Variants in SUN2 observed in about 807,000 individuals in gnomAD.
The protein encoded by SUN2 is Sad1 and UNC84 domain containing 2.
In SUN2, 60 loss-of-function variants were observed where a neutral mutation model predicts 100.0. The ratio of observed to expected loss-of-function variants is 0.60; its 90% CI spans 0.49 to 0.74. The LOEUF is 0.74. SUN2 is among the 30% of genes least tolerant of loss of function. The pLI, the probability that SUN2 is intolerant of heterozygous loss-of-function variation, is 0.00. For missense variants in SUN2, 834 were observed against 954.6 expected (o/e 0.87, Z 1.66); for synonymous variants, 367 against 403.3 (o/e 0.91, Z 1.08).
At position 38,742,472 on chromosome 22, in the gene SUN2, C is replaced by T. The variant is rs1367798964; in HGVS notation, c.897G>A (p.Gln299=). ...ALAAEFSSNW[Q]KEAMRLERLE... ...GACGTTCCAGCCGCATGGCCTCCTT[C>T]TGCCAGTTGGAGGAAAATTCAGCAG... The change falls in exon 9 of 18, where the codon CAG becomes CAA. Residue 299 remains glutamine (Q), a synonymous_variant. Transcript: ENST00000689035. 1.2e-6 allele frequency: 2 copies of T among 1,613,684 alleles called. No individual in the cohort carries two copies. The highest frequency in any genetic ancestry group is 1.6e-4 in the Middle Eastern group (1 of 6,062).
chr22:38,737,959 C>A lies in SUN2; in HGVS notation c.2040+214G>T, dbSNP rs886252595. On this transcript the variant is annotated intron_variant, in intron 17 of 17. Transcript: ENST00000689035. This position sits in a 1 kb window ranked among gnomAD's most constrained non-coding sequence, Gnocchi z 4.1. Reference sequence around the variant, plus strand: ...CTGGTGTCCTTTTCCAGGAAGCTTCCCTCATGCTGCCCTTCTGGAAGGTGC... The same window carrying A: ...CTGGTGTCCTTTTCCAGGAAGCTTCACTCATGCTGCCCTTCTGGAAGGTGC... The A allele has an allele frequency of 5.7e-6, 4 of 700,688 alleles. No homozygotes were observed. The highest frequency in any genetic ancestry group is 8.0e-6 in the Non-Finnish European group (3 of 374,926). 43.4% of individuals were successfully genotyped at this position (700,688 alleles called of 1,614,324 possible).
At chr22:38,754,534 G>A (rs2092970742) in intron 1 of SUN2, 9 of 994,008 alleles carry the variant, frequency 9.1e-6, no homozygotes, top group South Asian at 2.7e-5. Context: ...AAAAGGGACC[G>A]ATTGGTAGTA....
chr22:38,738,620 A>G lies in SUN2; in HGVS notation c.1914T>C (p.Thr638=), dbSNP rs1252540988. Residue 638 remains threonine, a synonymous_variant, in exon 16 of 18, where the codon ACT becomes ACC. Transcript: ENST00000689035. The surrounding 1 kb of genome is among the most constrained non-coding windows in gnomAD (Gnocchi z 6.6). The part of the protein sequence containing the change: ...HVPKALSPNS[T]ISSAPKDFAI... ...CGAAGTCCTTGGGGGCACTGGAGAT[A>G]GTGCTGTTGGGTGACAAGGCCTTGG... 1.2e-6 allele frequency: 2 copies of G among 1,613,824 alleles called. No homozygotes were observed. The highest frequency in any genetic ancestry group is 1.7e-6 in the Non-Finnish European group (2 of 1,179,968).
In SUN2 at chr22:38,738,479, C is replaced by A. The variant is rs1603214574; in HGVS notation, c.1947+108G>T. On this transcript the variant is annotated intron_variant, in intron 16 of 17. Transcript: ENST00000689035. This position sits in a 1 kb window ranked among gnomAD's most constrained non-coding sequence, Gnocchi z 6.6. ...ACCCTAGCTCCTCCTCTTCCAAATC[C>A]ACTCCCCTCCCTTCCAGTCCAAGGG... is the stretch of plus-strand genomic sequence containing the variant. 18 of 1,449,612 alleles carry A rather than the reference C, an allele frequency of 1.2e-5. No homozygotes were observed. The South Asian group carries it at 2.1e-4, about 17-fold the overall frequency. 89.8% of individuals were successfully genotyped at this position (1,449,612 alleles called of 1,614,324 possible).
rs1445487095 is a variant in SUN2, at chr22:38,736,390, G to A, written c.2041-10C>T. The A allele has an allele frequency of 1.9e-6, 3 of 1,606,608 alleles. No individual in the cohort carries two copies. The highest frequency in any genetic ancestry group is 4.5e-5 in the East Asian group (2 of 44,760). On this transcript the variant is annotated splice_polypyrimidine_tract_variant and intron_variant, in intron 17 of 17. Coordinates refer to ENST00000689035, the MANE Select transcript of SUN2 (RefSeq NM_015374.3). ...TGGCCATCGTAGGGGCCTGGGTAGA[G>A]AAGAAAGGGATTAAGAGCATCAGAG...
chr22:38,743,184 G>C (rs2092874625), intron 8 of SUN2: 1 of 152,240 alleles, frequency 6.6e-6, no homozygotes, highest in African/African-American at 2.4e-5. Flanking sequence ...ATTGCCAAGA[G>C]AAGTGATAAA....
At position 38,738,362 on chromosome 22, in the gene SUN2, C is replaced by T; in HGVS notation, c.1948-97G>A. 8.4e-7 allele frequency: 1 copy of T among 1,190,858 alleles called. No homozygotes were observed. The highest frequency in any genetic ancestry group is 1.2e-6 in the Non-Finnish European group (1 of 828,340). 73.8% of individuals were successfully genotyped at this position (1,190,858 alleles called of 1,614,324 possible). ...CTCCTCCCACCCAGCAGGTCAGGCA[C>T]CAGAGTGGCCTATGACAAGTCACTT... On this transcript the variant is annotated intron_variant, in intron 16 of 17. Transcript: ENST00000689035. This position sits in a 1 kb window ranked among gnomAD's most constrained non-coding sequence, Gnocchi z 6.6.
chr22:38,754,424 T>C (rs1307581865), intron 1 of SUN2, among the ~76,000 whole-genome samples: 1 of 152,140 alleles, frequency 6.6e-6, no homozygotes, highest in Non-Finnish European at 1.5e-5. Context: ...AGCTAGAAAG[T>C]CCTCCTCTGA....
intron 7 of SUN2, among the ~76,000 whole-genome samples, chr22:38,746,745 G>A (rs907628926): frequency 2.6e-5 from 4 of 152,226 alleles, no homozygotes; most frequent in Non-Finnish European, 4.4e-5. Context: ...AAGAATCACT[G>A]ACTGGGCCGG....
intron 4 of SUN2, among the ~76,000 whole-genome samples, chr22:38,750,566 G>T (rs2092937436): frequency 6.6e-6 from 1 of 152,222 alleles, no homozygotes; most frequent in East Asian, 1.9e-4. Context: ...TAGGTGCTGG[G>T]GTCTGACATG....
chr22:38,737,876 C>T lies in SUN2; in HGVS notation c.2040+297G>A, dbSNP rs149641526. On this transcript the variant is annotated intron_variant, in intron 17 of 17. Coordinates refer to ENST00000689035, the MANE Select transcript of SUN2 (RefSeq NM_015374.3). The surrounding 1 kb of genome is among the most constrained non-coding windows in gnomAD (Gnocchi z 4.1). ...CATGTGCTGGCGGCGGCTCCTCGAA[C>T]GCCTCTCCCGGCCTTCCTTTCCTGG... 240 of 606,528 alleles carry T rather than the reference C, an allele frequency of 4.0e-4. 1 individual carries two copies. The East Asian group carries it at 6.9e-3, about 17-fold the overall frequency. The allele number at this position is 606,528 out of a possible 1,614,324, so 37.6% of individuals were successfully genotyped here. A position where few individuals can be genotyped will look rare whatever the true frequency, so the allele number is the denominator to read the frequency against.
At position 38,742,557 on chromosome 22, in the gene SUN2, T is replaced by C; in HGVS notation, c.814-2A>G. On this transcript the variant is annotated splice_acceptor_variant, in intron 8 of 17. Coordinates refer to ENST00000689035, the MANE Select transcript of SUN2 (RefSeq NM_015374.3). LOFTEE classifies it high-confidence loss of function. Reference sequence around the variant, plus strand: ...CCGGGACATAACACGCTGCTCAGCCTGGAAGGGCAGAGAGAGAGCCACGGA... The same window carrying C: ...CCGGGACATAACACGCTGCTCAGCCCGGAAGGGCAGAGAGAGAGCCACGGA... 6.2e-7 allele frequency: 1 copy of C among 1,607,274 alleles called. No individual in the cohort carries two copies.
In SUN2 at chr22:38,740,172, T is replaced by G; in HGVS notation, c.1356+95A>C. The G allele has an allele frequency of 7.1e-7, 1 of 1,415,494 alleles. No individual in the cohort carries two copies. Among genetic ancestry groups the G allele is most frequent in the Non-Finnish European group, 9.3e-7 (1 of 1,074,224 alleles). The allele number at this position is 1,415,494 out of a possible 1,614,324, so 87.7% of individuals were successfully genotyped here. On this transcript the variant is annotated intron_variant, in intron 12 of 17. Transcript: ENST00000689035. This position sits in a 1 kb window ranked among gnomAD's most constrained non-coding sequence, Gnocchi z 4.8. ...ACAGTCTCTTGGGCATAACAGAGGC[T>G]GCAGGGGCAAGGGGTGCTGCTTTGC... is the stretch of plus-strand genomic sequence containing the variant.
In SUN2 at chr22:38,755,483, A is replaced by T; in HGVS notation, c.-38+280T>A. 1.0e-6 allele frequency: 1 copy of T among 987,920 alleles called. No homozygotes were observed. Among genetic ancestry groups the T allele is most frequent in the Non-Finnish European group, 1.2e-6 (1 of 831,236 alleles). The allele number at this position is 987,920 out of a possible 1,614,324, so 61.2% of individuals were successfully genotyped here. On this transcript the variant is annotated intron_variant, in intron 1 of 17. Coordinates refer to ENST00000689035, the MANE Select transcript of SUN2 (RefSeq NM_015374.3). This position sits in a 1 kb window ranked among gnomAD's most constrained non-coding sequence, Gnocchi z 5.7. Reference sequence around the variant, plus strand: ...GCGCTGCCCGGGGCCGGGTTGGGGCAGTCGGCCTTTGCCCTCCTCCTCCCG... The same window carrying T: ...GCGCTGCCCGGGGCCGGGTTGGGGCTGTCGGCCTTTGCCCTCCTCCTCCCG...
chr22:38,745,928 T>G, intron 7 of SUN2, 117 bp from the exon 8 acceptor site: 1 of 1,455,462 alleles, frequency 6.9e-7, no homozygotes. Context: ...CGTGGAGCTG[T>G]GCCCTTCCAG....
In SUN2 at chr22:38,735,611, G is replaced by A. The variant is rs1429006405; in HGVS notation, c.*656C>T. The A allele has an allele frequency of 5.4e-6, 1 of 185,470 alleles. No homozygotes were observed. Among genetic ancestry groups the A allele is most frequent in the Admixed American group, 5.5e-5 (1 of 18,070 alleles). 11.5% of individuals were successfully genotyped at this position (185,470 alleles called of 1,614,324 possible). ...AGGGTTGGCCCTGGGCCCCTTAGAA[G>A]ATCACAGCAGCCAGTCCCCTTTAGG... On this transcript the variant is annotated 3_prime_UTR_variant, in exon 18 of 18. Coordinates refer to ENST00000689035, the MANE Select transcript of SUN2 (RefSeq NM_015374.3).
At chr22:38,744,913 C>G (rs1179114175) in intron 8 of SUN2, among the ~76,000 whole-genome samples, 1 of 152,256 alleles carries the variant, frequency 6.6e-6, no homozygotes, top group Non-Finnish European at 1.5e-5. Flanking sequence ...TCTTTAGACT[C>G]TGGCAGATTA....
At position 38,739,013 on chromosome 22, in the gene SUN2, T is replaced by G. The variant is rs768719781; in HGVS notation, c.1664-25A>C. 6.3e-7 allele frequency: 1 copy of G among 1,591,296 alleles called. No individual in the cohort carries two copies. Among genetic ancestry groups the G allele is most frequent in the South Asian group, 1.1e-5 (1 of 88,196 alleles). On this transcript the variant is annotated intron_variant, in intron 14 of 17. Coordinates refer to ENST00000689035, the MANE Select transcript of SUN2 (RefSeq NM_015374.3). This position sits in a 1 kb window ranked among gnomAD's most constrained non-coding sequence, Gnocchi z 6.7. ...CCTGAGACAGGAGAGGAAGGCAGGG[T>G]GGGCTCCCGCACGGGAGGAGGGCCC...
rs776125269 is a variant in SUN2, at chr22:38,739,470, G to T, written c.1579-44C>A. 1.2e-6 allele frequency: 2 copies of T among 1,600,368 alleles called. No homozygotes were observed. Among genetic ancestry groups the T allele is most frequent in the East Asian group, 4.5e-5 (2 of 44,764 alleles). On this transcript the variant is annotated intron_variant, in intron 13 of 17. Transcript: ENST00000689035. This position sits in a 1 kb window ranked among gnomAD's most constrained non-coding sequence, Gnocchi z 6.7. ...GAGACGGTTGCAGCAGGGAGCAGACGTGTCCCCCTGTCACCTCGTGGCCGT... is the reference window on the plus strand; with the variant it reads ...GAGACGGTTGCAGCAGGGAGCAGACTTGTCCCCCTGTCACCTCGTGGCCGT...
Sources: gnomAD v4.1 joint callset for allele counts (sites outside exome capture counted in the v4.1 genomes callset) on GRCh38, gnomAD v4.1.1 for gene constraint, Gnocchi (gnomAD v3.1) non-coding constraint, MANE v1.5 for transcripts, NCBI Gene and HGNC (gene_info 2026-07-23, HGNC 2026-07-21) for gene names.